The following FUT8 variants were observed in gnomAD, a reference collection of about 807,000 sequenced individuals.
FUT8 encodes the protein fucosyltransferase 8.
A neutral mutation model predicts 71.3 loss-of-function variants in FUT8; 29 were observed. The observed-to-expected ratio is 0.41, with a 90% confidence interval of 0.30 to 0.55. FUT8 has a LOEUF of 0.55. Among genes scored for constraint, FUT8 ranks in the 20% least tolerant of loss-of-function variants. The pLI, the probability that FUT8 is intolerant of heterozygous loss-of-function variation, is 0.34. For synonymous variants in FUT8, 254 were observed against 239.3 expected, an observed-to-expected ratio of 1.06 and a Z score of -0.57; for missense variants, 544 against 702.1, an observed-to-expected ratio of 0.77 and a Z score of 2.55.
At chr14:65,622,410 C>T (rs931373197) in intron 5 of FUT8, among the ~76,000 whole-genome samples, 1 of 152,160 alleles carries the variant, frequency 6.6e-6, no homozygotes. Flanking sequence ...GAAAACTTAA[C>T]TCTTAGACCC....
At chr14:65,614,346 G>A (rs566521054) in intron 3 of FUT8, among the ~76,000 whole-genome samples, 1 of 152,292 alleles carries the variant, frequency 6.6e-6, no homozygotes, top group South Asian at 2.1e-4. Flanking sequence ...AATAGACTTT[G>A]AAAGAAAAAT....
At chr14:65,439,954 G>GTGTGTGTGTGTA in intron 1 of FUT8, among the ~76,000 whole-genome samples, 66 of 74,962 alleles carry the variant, frequency 8.8e-4, no homozygotes, top group African/African-American at 3.0e-3. Flanking sequence ...GTGTGTGTGT[G>GTGTGTGTGTGTA]TATATATATA....
At chr14:65,729,514 C>G (rs1456165284) in intron 9 of FUT8, among the ~76,000 whole-genome samples, 1 of 144,868 alleles carries the variant, frequency 6.9e-6, no homozygotes. Flanking sequence ...TATTTAGATG[C>G]AAGGATATAA....
At chr14:65,419,457 G>A (rs2065262736) in intron 1 of FUT8, among the ~76,000 whole-genome samples, 1 of 152,204 alleles carries the variant, frequency 6.6e-6, no homozygotes, top group South Asian at 2.1e-4. Flanking sequence ...CAAGGTGAAA[G>A]TGTCTTTGAT....
the FUT8 span, among the ~76,000 whole-genome samples, chr14:65,386,799 A>T: frequency 6.8e-6 from 1 of 146,016 alleles, no homozygotes; most frequent in African/African-American, 2.5e-5. Context: ...ACATTGTTGG[A>T]TGCTGAATTT....
At chr14:65,566,504 A>G (rs1248016783) in intron 3 of FUT8, among the ~76,000 whole-genome samples, 1 of 152,024 alleles carries the variant, frequency 6.6e-6, no homozygotes, top group Non-Finnish European at 1.5e-5. Flanking sequence ...CGATTGATAG[A>G]TAATAGAGAA....
intron 6 of FUT8, among the ~76,000 whole-genome samples, chr14:65,656,334 A>G (rs1041752598): frequency 2.6e-5 from 4 of 152,196 alleles, no homozygotes; most frequent in Non-Finnish European, 4.4e-5. Flanking sequence ...TTGTTTCTAT[A>G]TGCCAACAGT....
At chr14:65,734,292 A>G (rs1227726306) in intron 10 of FUT8, among the ~76,000 whole-genome samples, 2 of 152,234 alleles carry the variant, frequency 1.3e-5, no homozygotes, top group South Asian at 2.1e-4. Context: ...TGTGAAAAAA[A>G]GGAAAGCCAC....
chr14:65,724,694 C>G (rs1451866983), intron 9 of FUT8, among the ~76,000 whole-genome samples: 2 of 152,148 alleles, frequency 1.3e-5, no homozygotes, highest in Admixed American at 6.5e-5. Flanking sequence ...ATTTGTTTCT[C>G]CCAGGTCTGA....
intron 7 of FUT8, among the ~76,000 whole-genome samples, chr14:65,672,866 A>C (rs990772417): frequency 6.6e-6 from 1 of 152,246 alleles, no homozygotes; most frequent in Non-Finnish European, 1.5e-5. Context: ...AATATTGAAT[A>C]GATGATTTAG....
intron 2 of FUT8, among the ~76,000 whole-genome samples, chr14:65,465,226 A>C (rs1594660440): frequency 6.6e-6 from 1 of 152,198 alleles, no homozygotes; most frequent in South Asian, 2.1e-4. Context: ...CTGGTTTCCT[A>C]AATTAAAAGC....
At chr14:65,531,498 G>A (rs1409424528) in intron 2 of FUT8, among the ~76,000 whole-genome samples, 1 of 152,104 alleles carries the variant, frequency 6.6e-6, no homozygotes. Flanking sequence ...GAAATGTAGA[G>A]CCATAATTTG....
chr14:65,611,785 T>G (rs1292276830), intron 3 of FUT8, among the ~76,000 whole-genome samples: 1 of 151,950 alleles, frequency 6.6e-6, no homozygotes, highest in Non-Finnish European at 1.5e-5. Flanking sequence ...CTCAGCCTCC[T>G]GAGTAGCTGG....
the FUT8 span, among the ~76,000 whole-genome samples, chr14:65,363,963 C>T: frequency 6.6e-6 from 1 of 152,216 alleles, no homozygotes; most frequent in African/African-American, 2.4e-5. Flanking sequence ...TATTTTCCCT[C>T]CCCTACAGTG....
chr14:65,613,962 A>T (rs1283112793), intron 3 of FUT8, among the ~76,000 whole-genome samples: 1 of 152,054 alleles, frequency 6.6e-6, no homozygotes, highest in Middle Eastern at 3.2e-3. Flanking sequence ...AAATGTAAAA[A>T]AATTAGCCAG....
chr14:65,637,625 A>G lies in FUT8; in HGVS notation c.597+8019A>G, dbSNP rs1890627792. ...TATTTATTTATTTTGTGGAGATGGGATCTCCCTATTGTTGCAGTCTGCTTA... is the reference window on the plus strand; with the variant it reads ...TATTTATTTATTTTGTGGAGATGGGGTCTCCCTATTGTTGCAGTCTGCTTA... On this transcript the variant is annotated intron_variant, in intron 6 of 10. Transcript: ENST00000673929. Among the ~76,000 whole-genome samples the G allele has an allele frequency of 1.3e-5, 2 of 152,098 alleles. 1 individual carries two copies. The highest frequency in any genetic ancestry group is 4.1e-4 in the South Asian group (2 of 4,822).
intron 2 of FUT8, among the ~76,000 whole-genome samples, chr14:65,538,329 G>A (rs1182894471): frequency 2.0e-5 from 3 of 152,188 alleles, no homozygotes; most frequent in Non-Finnish European, 4.4e-5. Context: ...GAGTTGTTGG[G>A]GACCAATAAT....
intron 3 of FUT8, among the ~76,000 whole-genome samples, chr14:65,571,017 A>G (rs570164876): frequency 2.0e-5 from 3 of 150,962 alleles, no homozygotes; most frequent in African/African-American, 4.9e-5. Flanking sequence ...TCTGTATATC[A>G]CTCCCCCTTT....
intron 2 of FUT8, among the ~76,000 whole-genome samples, chr14:65,511,570 C>T (rs1005867253): frequency 6.6e-6 from 1 of 152,088 alleles, no homozygotes; most frequent in African/African-American, 2.4e-5. Context: ...TCTGGGTGCT[C>T]CACTGTTGGG....
Sources: gnomAD v4.1 joint callset for allele counts (sites outside exome capture counted in the v4.1 genomes callset) on GRCh38, gnomAD v4.1.1 for gene constraint, MANE v1.5 for transcripts, NCBI Gene and HGNC (gene_info 2026-07-23, HGNC 2026-07-21) for gene names.